EPHA6: variants seen among roughly 807,000 people sequenced by gnomAD.
The protein encoded by EPHA6 is ephrin type-A receptor 6.
EPHA6 carries 50 observed loss-of-function variants against 112.0 expected under a neutral mutation model. The observed-to-expected ratio is 0.45, with a 90% CI of 0.36 to 0.56. The LOEUF is 0.56. EPHA6 is among the 20% of genes least tolerant of loss of function. The pLI is 0.00. For synonymous variants in EPHA6, 529 were observed against 490.7 expected (o/e 1.08, Z -1.03); for missense variants, 1,280 against 1,417.4 (o/e 0.90, Z 1.56).
intron 5 of EPHA6, among the ~76,000 whole-genome samples, chr3:97,282,033 C>T (rs2080303302): frequency 6.6e-6 from 1 of 152,150 alleles, no homozygotes; most frequent in African/African-American, 2.4e-5. Context: ...ATAGTTCCTT[C>T]CCATATGCTG....
chr3:97,192,901 T>A (rs1486989941), intron 3 of EPHA6, among the ~76,000 whole-genome samples: 1 of 152,156 alleles, frequency 6.6e-6, no homozygotes, highest in Non-Finnish European at 1.5e-5. Flanking sequence ...AGACTGACCT[T>A]TCCCCAATGT....
At chr3:97,559,357 G>A (rs1206387678) in intron 11 of EPHA6, among the ~76,000 whole-genome samples, 1 of 151,980 alleles carries the variant, frequency 6.6e-6, no homozygotes, top group South Asian at 2.1e-4. Context: ...TGGTGAATAT[G>A]TGCAAATAGA....
At chr3:97,246,346 AC>A (rs1348574718) in intron 5 of EPHA6, among the ~76,000 whole-genome samples, 1 of 151,914 alleles carries the variant, frequency 6.6e-6, no homozygotes, top group Non-Finnish European at 1.5e-5. Context: ...TTTCACACAT[AC>A]AGCAGCCTTT....
chr3:96,953,764 A>G (rs1031995038), intron 2 of EPHA6, among the ~76,000 whole-genome samples: 6 of 152,128 alleles, frequency 3.9e-5, no homozygotes, highest in Non-Finnish European at 7.3e-5. Flanking sequence ...CTTATACCCC[A>G]TATTCAAACC....
chr3:97,316,932 G>C (rs900872635), intron 5 of EPHA6, among the ~76,000 whole-genome samples: 6 of 151,552 alleles, frequency 4.0e-5, no homozygotes, highest in Admixed American at 4.0e-4. Context: ...TAAACTTTTT[G>C]GCCCTCAGTT....
rs576058396 is a variant in EPHA6, at chr3:96,960,214, G to C, written c.451-27116G>C. Among the ~76,000 whole-genome samples the C allele has an allele frequency of 5.3e-5, 8 of 152,236 alleles. No homozygotes were observed. The South Asian group carries it at 1.5e-3, about 28-fold the overall frequency. On this transcript the variant is annotated intron_variant, in intron 2 of 17. Coordinates refer to ENST00000389672, the MANE Select transcript of EPHA6 (RefSeq NM_001080448.3). ...TTTAGTTGATGTGCTCAGGGTCTGAGATCTCATGCAGAGTGGAAAGTGGTC... is the reference window on the plus strand; with the variant it reads ...TTTAGTTGATGTGCTCAGGGTCTGACATCTCATGCAGAGTGGAAAGTGGTC...
intron 11 of EPHA6, chr3:97,559,698 C>A: frequency 2.3e-6 from 1 of 442,566 alleles, no homozygotes; most frequent in Non-Finnish European, 4.5e-6. Context: ...TGTATGCTGT[C>A]ACACAAGAGT....
chr3:96,972,424 A>AACACACACAC (rs3070424), intron 2 of EPHA6, among the ~76,000 whole-genome samples: 4 of 144,868 alleles, frequency 2.8e-5, no homozygotes, highest in African/African-American at 5.0e-5. Flanking sequence ...CACACACACA[A>AACACACACAC]ACACACACAC....
chr3:97,121,173 G>T (rs1335987151), intron 3 of EPHA6, among the ~76,000 whole-genome samples: 1 of 151,936 alleles, frequency 6.6e-6, no homozygotes, highest in Non-Finnish European at 1.5e-5. Flanking sequence ...TAAGAAAGTA[G>T]TTTCCAATTA....
intron 3 of EPHA6, among the ~76,000 whole-genome samples, chr3:97,041,152 A>G (rs927055187): frequency 1.3e-5 from 2 of 152,120 alleles, no homozygotes; most frequent in Non-Finnish European, 2.9e-5. Context: ...AAAACAACGA[A>G]ATCAATTATT....
intron 10 of EPHA6, among the ~76,000 whole-genome samples, chr3:97,485,108 T>C (rs1327981911): frequency 6.6e-6 from 1 of 152,216 alleles, no homozygotes; most frequent in Non-Finnish European, 1.5e-5. Flanking sequence ...CTCTAGATGC[T>C]GGAGATTTGT....
intron 1 of EPHA6, among the ~76,000 whole-genome samples, chr3:96,855,971 T>C (rs1407410840): frequency 1.3e-5 from 2 of 152,108 alleles, no homozygotes; most frequent in African/African-American, 4.8e-5. Flanking sequence ...TCACAGCACT[T>C]TGGGAGGCCA....
At chr3:96,940,738 G>C (rs910636985) in intron 2 of EPHA6, among the ~76,000 whole-genome samples, 5 of 151,558 alleles carry the variant, frequency 3.3e-5, no homozygotes, top group South Asian at 2.1e-4. Flanking sequence ...GGCTGGTACC[G>C]GTTGTTCCTT....
Position 96,866,853 on chromosome 3 carries a change from G to A in EPHA6, c.414G>A (p.Leu138=), listed in dbSNP as rs1417015462. 3 of 1,491,034 alleles carry A rather than the reference G, an allele frequency of 2.0e-6. No homozygotes were observed. Among genetic ancestry groups the A allele is most frequent in the East Asian group, 5.3e-5 (2 of 37,398 alleles). The allele number at this position is 1,491,034 out of a possible 1,614,324, so 92.4% of individuals were successfully genotyped here. The change falls in exon 2 of 18, where the codon CTG becomes CTA. Residue 138 remains leucine, a synonymous_variant. Coordinates refer to ENST00000389672, the MANE Select transcript of EPHA6 (RefSeq NM_001080448.3). ...QVVLLDTTTV[L]GELGWKTYPL... is the part of the protein sequence containing the mutation. ...TGTTGCTTGATACAACAACTGTACT[G>A]GGAGAGCTAGGATGGAAAACATATC...
chr3:97,315,035 G>A (rs2081752325), intron 5 of EPHA6, among the ~76,000 whole-genome samples: 2 of 150,602 alleles, frequency 1.3e-5, no homozygotes, highest in Admixed American at 1.3e-4. Context: ...ACTTACTGTA[G>A]TAGAAATAAA....
chr3:97,378,754 G>C (rs1222776324), intron 5 of EPHA6, among the ~76,000 whole-genome samples: 1 of 152,114 alleles, frequency 6.6e-6, no homozygotes, highest in African/African-American at 2.4e-5. Context: ...TAACCCATTT[G>C]TTTTGGCCAA....
intron 2 of EPHA6, among the ~76,000 whole-genome samples, chr3:96,973,177 T>C (rs2042383686): frequency 6.6e-6 from 1 of 152,168 alleles, no homozygotes; most frequent in Non-Finnish European, 1.5e-5. Flanking sequence ...AGAAGGGTTT[T>C]TAGAGAATCC....
rs375316600 is a variant in EPHA6 at position 97,705,605 on chromosome 3, C to T, written c.2785-14656C>T. On this transcript the variant is annotated intron_variant, in intron 14 of 17. Transcript: ENST00000389672. ...AGGGAATTTATAATCTGTACACACA[C>T]TGAATATTTGGCAGCAAGAACTGAG... 9.9e-5 allele frequency among the ~76,000 whole-genome samples: 15 copies of T among 152,146 alleles called. No individual in the cohort carries two copies. In the South Asian group the frequency reaches 2.7e-3, roughly 27 times the overall value.
intron 14 of EPHA6, among the ~76,000 whole-genome samples, chr3:97,639,855 T>A (rs1164164429): frequency 6.6e-6 from 1 of 152,178 alleles, no homozygotes; most frequent in African/African-American, 2.4e-5. Context: ...ATTAACACTC[T>A]AAAAACTGCC....
Sources: gnomAD v4.1 joint callset for allele counts (sites outside exome capture counted in the v4.1 genomes callset) on GRCh38, gnomAD v4.1.1 for gene constraint, MANE v1.5 for transcripts, NCBI Gene and HGNC (gene_info 2026-07-23, HGNC 2026-07-21) for gene names.